Variants in NRCAM observed in about 807,000 individuals in gnomAD.
NRCAM encodes NgCAM-related cell adhesion molecule.
In NRCAM, 83 loss-of-function variants were observed where a neutral mutation model predicts 156.5. That is an observed-to-expected ratio of 0.53 (90% CI 0.44 to 0.64). NRCAM has a LOEUF of 0.64. NRCAM is among the 30% of genes least tolerant of loss of function. The probability of loss-of-function intolerance (pLI) is 0.00; values close to 1 mark genes in which losing one functional copy is unlikely to be tolerated. For synonymous variants in NRCAM, 538 were observed against 563.9 expected, an observed-to-expected ratio of 0.95 and a Z score of 0.65; for missense variants, 1,417 against 1,597.3, an observed-to-expected ratio of 0.89 and a Z score of 1.92.
chr7:108,322,659 G>A (rs1013311222), intron 2 of NRCAM, among the ~76,000 whole-genome samples: 8 of 152,260 alleles, frequency 5.3e-5, no homozygotes, highest in African/African-American at 1.9e-4. Context: ...CAGCGGAGGA[G>A]AGTGGCCTAA....
At position 108,175,327 on chromosome 7, in the gene NRCAM, C is replaced by G. The variant is rs1315788064; in HGVS notation, c.3182G>C (p.Gly1061Ala). 2 of 1,558,952 alleles carry G rather than the reference C, an allele frequency of 1.3e-6. No homozygotes were observed. Among genetic ancestry groups the G allele is most frequent in the Non-Finnish European group, 1.7e-6 (2 of 1,150,690 alleles). The stretch of plus-strand genomic sequence containing the variant: ...ATGCAGATGAATTATTTTACCTTTG[C>G]CTGCACCTACATCAGGTGGAAGAAT... Reference protein sequence around the residue: ...AGILPPDVGAGKVQAVNPRIS... With the variant: ...AGILPPDVGAAKVQAVNPRIS... Residue 1061 changes from glycine (G) to alanine (A), a missense_variant, in exon 28 of 33, where the codon GGC becomes GCC. Physicochemically the swap from Gly to Ala is moderately conservative, Grantham distance 60. Transcript: ENST00000379028.
At chr7:108,337,860 A>C (rs952820028) in intron 2 of NRCAM, among the ~76,000 whole-genome samples, 3 of 152,142 alleles carry the variant, frequency 2.0e-5, no homozygotes, top group African/African-American at 7.2e-5. Context: ...CCACGAAGGG[A>C]CCTCCAAAGC....
intron 12 of NRCAM, among the ~76,000 whole-genome samples, chr7:108,208,600 C>T (rs557948131): frequency 6.6e-5 from 10 of 152,268 alleles, no homozygotes; most frequent in East Asian, 1.9e-4. Context: ...TTACTTGTAA[C>T]GTCTTTTGCA....
intron 3 of NRCAM, among the ~76,000 whole-genome samples, chr7:108,256,108 AC>A (rs1239654549): frequency 2.6e-5 from 4 of 151,248 alleles, no homozygotes; most frequent in Non-Finnish European, 5.9e-5. Flanking sequence ...CCCGGCCGCC[AC>A]CCCGTCTGGG....
chr7:108,165,895 T>TGGG (rs1219099674), intron 30 of NRCAM, among the ~76,000 whole-genome samples: 4 of 152,312 alleles, frequency 2.6e-5, no homozygotes, highest in Middle Eastern at 3.4e-3. Flanking sequence ...GAAAATAACA[T>TGGG]GGGGGTATGA....
intron 2 of NRCAM, among the ~76,000 whole-genome samples, chr7:108,390,857 T>G (rs200057548): frequency 2.6e-5 from 4 of 152,362 alleles, no homozygotes; most frequent in East Asian, 3.9e-4. Flanking sequence ...GAGCAGGTTG[T>G]TCAGTTTCCA....
chr7:108,234,710 A>G, intron 5 of NRCAM, 22 bp from the exon 6 acceptor site: 1 of 1,489,938 alleles, frequency 6.7e-7, no homozygotes, highest in Non-Finnish European at 9.3e-7. Flanking sequence ...AAAAAAAAAA[A>G]TGTAAAAAAA....
intron 28 of NRCAM, among the ~76,000 whole-genome samples, chr7:108,168,775 T>A (rs890385050): frequency 1.3e-5 from 2 of 152,220 alleles, no homozygotes; most frequent in Non-Finnish European, 2.9e-5. Context: ...CATCATGGAA[T>A]GTCAGAGACG....
intron 1 of NRCAM, among the ~76,000 whole-genome samples, chr7:108,436,083 G>C (rs770562325): frequency 2.0e-5 from 3 of 152,214 alleles, no homozygotes; most frequent in East Asian, 1.9e-4. Flanking sequence ...GCAGTGAGCC[G>C]AGATGGCGCC....
intron 2 of NRCAM, among the ~76,000 whole-genome samples, chr7:108,333,986 T>TA (rs1422530579): frequency 2.0e-5 from 3 of 152,334 alleles, no homozygotes; most frequent in Non-Finnish European, 4.4e-5. Flanking sequence ...GTTGCAATCT[T>TA]AAATTTTTAA....
chr7:108,202,916 C>T (rs767602158), intron 13 of NRCAM, among the ~76,000 whole-genome samples: 34 of 152,124 alleles, frequency 2.2e-4, no homozygotes, highest in Non-Finnish European at 3.8e-4. Context: ...CCTAATACAA[C>T]GCACGCTGGA....
chr7:108,391,014 AGGTGT>A (rs1261989050), intron 2 of NRCAM, among the ~76,000 whole-genome samples: 4 of 152,206 alleles, frequency 2.6e-5, no homozygotes, highest in African/African-American at 9.7e-5. Context: ...GTTTTGGAAT[AGGTGT>A]GGTGTGGTGC....
chr7:108,277,762 T>A (rs1380774798), intron 3 of NRCAM, among the ~76,000 whole-genome samples: 1 of 152,172 alleles, frequency 6.6e-6, no homozygotes, highest in African/African-American at 2.4e-5. Flanking sequence ...TCATTCTCTA[T>A]CCAGTTTTGT....
At chr7:108,331,638 T>C (rs942023710) in intron 2 of NRCAM, among the ~76,000 whole-genome samples, 5 of 152,176 alleles carry the variant, frequency 3.3e-5, no homozygotes, top group African/African-American at 1.2e-4. Context: ...ACATAGCAGA[T>C]GCTATGTAAG....
At chr7:108,184,375 T>A (rs188294385) in intron 21 of NRCAM, 42 bp downstream of exon 21, 223 of 1,613,616 alleles carry the variant, frequency 1.4e-4, no homozygotes, top group Non-Finnish European at 1.8e-4. Flanking sequence ...AAAACTTTTT[T>A]ATTATATTTC....
At chr7:108,409,172 G>C (rs1202886130) in intron 1 of NRCAM, among the ~76,000 whole-genome samples, 2 of 152,196 alleles carry the variant, frequency 1.3e-5, no homozygotes, top group Non-Finnish European at 2.9e-5. Context: ...CGCGTGCAGA[G>C]CATTAAGAGA....
intron 2 of NRCAM, among the ~76,000 whole-genome samples, chr7:108,360,152 G>A (rs1052370723): frequency 6.6e-6 from 1 of 152,262 alleles, no homozygotes; most frequent in African/African-American, 2.4e-5. Flanking sequence ...GTGGTTATCT[G>A]TAGAAATGTA....
chr7:108,435,700 C>T (rs1037468137), intron 1 of NRCAM, among the ~76,000 whole-genome samples: 3 of 152,178 alleles, frequency 2.0e-5, no homozygotes, highest in Non-Finnish European at 2.9e-5. Context: ...CCCTGTGACA[C>T]GACTTCACCT....
chr7:108,306,442 T>C lies in NRCAM; in HGVS notation c.-107+6223A>G, dbSNP rs187388903. 7.1e-4 allele frequency among the ~76,000 whole-genome samples: 108 copies of C among 152,304 alleles called. No individual in the cohort carries two copies. The East Asian group carries it at 0.019, about 26-fold the overall frequency. ...GTGAGCCTCAAGGCACAGCAGGCAA[T>C]GCCATCACCCCAGCACCACTGGGCC... On this transcript the variant is annotated intron_variant, in intron 3 of 32. Transcript: ENST00000379028.
Sources: gnomAD v4.1 joint callset for allele counts (sites outside exome capture counted in the v4.1 genomes callset) on GRCh38, gnomAD v4.1.1 for gene constraint, MANE v1.5 for transcripts, NCBI Gene and HGNC (gene_info 2026-07-23, HGNC 2026-07-21) for gene names.